The following NLGN1 variants were observed in gnomAD, a reference collection of about 807,000 sequenced individuals.
The protein encoded by NLGN1 is neuroligin 1.
NLGN1 carries 12 observed loss-of-function variants against 65.5 expected under a neutral mutation model. That is an observed-to-expected ratio of 0.18 (90% CI 0.12 to 0.30). The LOEUF is 0.30. Among genes scored for constraint, NLGN1 ranks in the 10% least tolerant of loss-of-function variants. The probability of loss-of-function intolerance (pLI) is 1.00; values close to 1 mark genes in which losing one functional copy is unlikely to be tolerated. For missense variants in NLGN1, 750 were observed against 1,007.1 expected (o/e 0.74, Z 3.46); for synonymous variants, 350 against 359.5 (o/e 0.97, Z 0.30).
At position 174,128,500 on chromosome 3, in the gene NLGN1, C is replaced by T. The variant is rs551632319; in HGVS notation, c.647-146815C>T. Among the ~76,000 whole-genome samples, 8 of 152,278 alleles carry T rather than the reference C, an allele frequency of 5.3e-5. No homozygotes were observed. In the East Asian group the frequency reaches 1.2e-3, roughly 22 times the overall value. On this transcript the variant is annotated intron_variant, in intron 4 of 6. Coordinates refer to ENST00000457714, the Ensembl canonical transcript of NLGN1. Reference sequence around the variant, plus strand: ...AGTTGAATGGAAAGAAAGTAGCTTTCGCCTCCATTTTACTGCCTTTGAATA... The same window carrying T: ...AGTTGAATGGAAAGAAAGTAGCTTTTGCCTCCATTTTACTGCCTTTGAATA...
At chr3:173,742,262 G>T (rs932770503) in intron 3 of NLGN1, among the ~76,000 whole-genome samples, 2 of 152,134 alleles carry the variant, frequency 1.3e-5, no homozygotes, top group Non-Finnish European at 2.9e-5. Flanking sequence ...GGGAAGAAGA[G>T]AGAGGGATGT....
chr3:173,613,146 G>T (rs891180457), intron 3 of NLGN1, among the ~76,000 whole-genome samples: 3 of 152,088 alleles, frequency 2.0e-5, no homozygotes, highest in African/African-American at 7.2e-5. Context: ...GGTTCAGCTG[G>T]ACATAAGTTA....
chr3:173,883,503 G>A (rs1485099136), intron 4 of NLGN1, among the ~76,000 whole-genome samples: 2 of 152,130 alleles, frequency 1.3e-5, no homozygotes, highest in Non-Finnish European at 1.5e-5. Context: ...CACACATGAA[G>A]TGAGCATATG....
At chr3:174,065,393 T>C (rs1738303257) in intron 4 of NLGN1, among the ~76,000 whole-genome samples, 1 of 152,158 alleles carries the variant, frequency 6.6e-6, no homozygotes, top group African/African-American at 2.4e-5. Flanking sequence ...TCACTCTTTG[T>C]CAATTATTTG....
intron 4 of NLGN1, among the ~76,000 whole-genome samples, chr3:173,978,834 TAAAAAA>T (rs34496124): frequency 2.1e-4 from 23 of 111,276 alleles, no homozygotes; most frequent in South Asian, 6.0e-4. Flanking sequence ...CTTCTCTAAT[TAAAAAA>T]AAAAAAAAAA....
At chr3:174,258,660 A>G (rs808079) in intron 4 of NLGN1, among the ~76,000 whole-genome samples, 20,813 of 152,216 alleles carry the variant, frequency 0.14, 1,506 homozygotes, top group African/African-American at 0.17. Flanking sequence ...TGTAACCTGA[A>G]TATAATTATG....
chr3:173,396,342 G>A (rs1716633738), upstream of NLGN1: 1 of 152,134 alleles, frequency 6.6e-6, no homozygotes, highest in Non-Finnish European at 1.5e-5. Context: ...GATACATTTG[G>A]CTTGCCAAGT....
intron 3 of NLGN1, among the ~76,000 whole-genome samples, chr3:173,628,839 G>A (rs576875343): frequency 9.2e-5 from 14 of 151,900 alleles, no homozygotes; most frequent in Admixed American, 1.3e-4. Flanking sequence ...GATTAGAGGC[G>A]TGCACCACCA....
chr3:173,433,431 C>T (rs996670723), intron 1 of NLGN1, among the ~76,000 whole-genome samples: 1 of 152,134 alleles, frequency 6.6e-6, no homozygotes, highest in Non-Finnish European at 1.5e-5. Context: ...GATGAAAACC[C>T]TCCCCTATTA....
intron 4 of NLGN1, among the ~76,000 whole-genome samples, chr3:174,240,863 CAG>C (rs1742657130): frequency 1.3e-5 from 2 of 152,110 alleles, no homozygotes. Context: ...TGCTTCCTGT[CAG>C]GGGAATTTTG....
chr3:173,918,794 T>TTACCACATATTTA (rs942763340), intron 4 of NLGN1, among the ~76,000 whole-genome samples: 2 of 151,286 alleles, frequency 1.3e-5, no homozygotes, highest in African/African-American at 4.9e-5. Flanking sequence ...TTGTAACAAA[T>TTACCACATATTTA]TACCACATAT....
chr3:173,926,769 T>C (rs984960717), intron 4 of NLGN1, among the ~76,000 whole-genome samples: 3 of 152,154 alleles, frequency 2.0e-5, no homozygotes, highest in African/African-American at 7.2e-5. Context: ...TGTTTGCGAG[T>C]GGGTGGGGAA....
intron 3 of NLGN1, among the ~76,000 whole-genome samples, chr3:173,798,491 T>C (rs1398808656): frequency 6.6e-6 from 1 of 152,150 alleles, no homozygotes; most frequent in African/African-American, 2.4e-5. Context: ...AAAAAATATG[T>C]ATAGCTTTCA....
At chr3:173,481,464 A>G (rs1408394798) in intron 2 of NLGN1, among the ~76,000 whole-genome samples, 1 of 151,976 alleles carries the variant, frequency 6.6e-6, no homozygotes, top group Non-Finnish European at 1.5e-5. Context: ...TCAAGTATTA[A>G]ATAAACTTGT....
At chr3:173,672,719 A>G (rs1051839524) in intron 3 of NLGN1, among the ~76,000 whole-genome samples, 1 of 152,224 alleles carries the variant, frequency 6.6e-6, no homozygotes, top group African/African-American at 2.4e-5. Context: ...AGGTTACCTC[A>G]TTCAAGCCTT....
intron 2 of NLGN1, among the ~76,000 whole-genome samples, chr3:173,502,243 A>T (rs1265906850): frequency 6.6e-6 from 1 of 152,098 alleles, no homozygotes; most frequent in East Asian, 1.9e-4. Flanking sequence ...CATAAACGTT[A>T]AATTCTAGTT....
chr3:174,231,499 TA>T (rs1214696351), intron 4 of NLGN1, among the ~76,000 whole-genome samples: 1 of 152,176 alleles, frequency 6.6e-6, no homozygotes, highest in Non-Finnish European at 1.5e-5. Flanking sequence ...TGCATACTAC[TA>T]AGCTAGGTTT....
chr3:173,578,830 T>A (rs1408324306), intron 2 of NLGN1, among the ~76,000 whole-genome samples: 1 of 152,188 alleles, frequency 6.6e-6, no homozygotes, highest in African/African-American at 2.4e-5. Flanking sequence ...GCCTCACAAA[T>A]GTACTTACAT....
intron 3 of NLGN1, 133 bp downstream of exon 3, chr3:173,605,726 T>C (rs1009783028): frequency 9.6e-6 from 4 of 417,514 alleles, no homozygotes; most frequent in Non-Finnish European, 1.8e-5. Flanking sequence ...ATGAAGGCTG[T>C]CAAGGAATAT....
Sources: gnomAD v4.1 joint callset for allele counts (sites outside exome capture counted in the v4.1 genomes callset) on GRCh38, gnomAD v4.1.1 for gene constraint, MANE v1.5 for transcripts, NCBI Gene and HGNC (gene_info 2026-07-23, HGNC 2026-07-21) for gene names.